Variants in ZNF730 observed in about 807,000 individuals in gnomAD.
ZNF730 encodes the protein putative zinc finger protein 730.
ZNF730 carries 12 observed loss-of-function variants against 12.6 expected under a neutral mutation model. That is an observed-to-expected ratio of 0.95 (90% confidence interval 0.61 to 1.54). The LOEUF (loss-of-function observed/expected upper bound fraction) is 1.54. ZNF730 is among the 40% of genes most tolerant of loss of function. The pLI is 0.00. For synonymous variants in ZNF730, 194 were observed against 195.8 expected, an observed-to-expected ratio of 0.99 and a Z score of 0.08; for missense variants, 643 against 583.5, an observed-to-expected ratio of 1.10 and a Z score of -1.05.
intron 1 of ZNF730, chr19:23,127,037 A>C: frequency 3.9e-6 from 2 of 516,884 alleles, no homozygotes; most frequent in South Asian, 1.5e-5. Flanking sequence ...GAGTTCCTAA[A>C]GCATATAATG....
intron 1 of ZNF730, among the ~76,000 whole-genome samples, chr19:23,081,465 G>A (rs940245254): frequency 1.4e-4 from 21 of 152,090 alleles, no homozygotes; most frequent in African/African-American, 3.1e-4. Context: ...GATTACAGGC[G>A]TGAGCCACCA....
At chr19:23,112,577 T>G (rs1970471999), upstream of ZNF730, among the ~76,000 whole-genome samples, 1 of 151,840 alleles carries the variant, frequency 6.6e-6, no homozygotes, top group South Asian at 2.1e-4. Context: ...CAAAAATTAG[T>G]CAGCGTGGTG....
intron 3 of ZNF730, among the ~76,000 whole-genome samples, chr19:23,139,263 G>A (rs115011474): frequency 0.017 from 2,600 of 151,972 alleles, 59 homozygotes; most frequent in African/African-American, 0.058. Context: ...GCATTGTAAA[G>A]CTATTCTTTG....
intron 3 of ZNF730, among the ~76,000 whole-genome samples, chr19:23,136,585 TAA>T (rs955548579): frequency 1.5e-4 from 23 of 152,170 alleles, no homozygotes; most frequent in African/African-American, 5.1e-4. Context: ...AACTATTTTT[TAA>T]GTTATCTTTT....
intron 2 of ZNF730, among the ~76,000 whole-genome samples, chr19:23,135,238 A>T (rs1472422445): frequency 2.4e-5 from 3 of 123,614 alleles, no homozygotes; most frequent in South Asian, 2.4e-4. Flanking sequence ...AAAAAAAAAA[A>T]AAAAAAAAAA....
Position 23,145,656 on chromosome 19 carries a change from A to C in ZNF730, c.612A>C (p.Glu204Asp). The C allele has an allele frequency of 1.3e-6, 2 of 1,555,186 alleles. No individual in the cohort carries two copies. The highest frequency in any genetic ancestry group is 1.7e-6 in the Non-Finnish European group (2 of 1,151,292). Residue 204 changes from glutamate (E) to aspartate (D), a missense_variant, in exon 4 of 4, where the codon GAA (glutamate) becomes GAC (aspartate). By Grantham distance (45) the Glu-to-Asp change is conservative. Coordinates refer to ENST00000597761, the MANE Select transcript of ZNF730 (RefSeq NM_001277403.2). The stretch of plus-strand genomic sequence containing the variant: ...CTGGAGAGAAATCCTACAAATGTGA[A>C]GAATATGGCAAAGCCTTTAATGAGT... ...IHTGEKSYKC[E>D]EYGKAFNESS...
intron 1 of ZNF730, among the ~76,000 whole-genome samples, chr19:23,102,290 G>A (rs1970344525): frequency 6.6e-6 from 1 of 152,058 alleles, no homozygotes; most frequent in Non-Finnish European, 1.5e-5. Flanking sequence ...GCTTTCAGGA[G>A]AAGGCTGTAA....
At position 23,141,503 on chromosome 19, in the gene ZNF730, G is replaced by A. The variant is rs550447023; in HGVS notation, c.227-3768G>A. ...GATTAATTGAGCCTAAAAGTTTGAC[G>A]TTGCAATGAGCTGTAATTGTGCCAC... On this transcript the variant is annotated intron_variant, in intron 3 of 3. Coordinates refer to ENST00000597761, the MANE Select transcript of ZNF730 (RefSeq NM_001277403.2). Among the ~76,000 whole-genome samples, 27 of 152,264 alleles carry A rather than the reference G, an allele frequency of 1.8e-4. No homozygotes were observed. The South Asian group carries it at 4.1e-3, about 23-fold the overall frequency.
Position 23,145,586 on chromosome 19 carries a change from TA to T in ZNF730, c.543del (p.Leu181PhefsTer8). ...TTCAAATGTAAAGAATGTGGAAAAT[TA>T]TTTTGCATTCTTTCACACTTAGCTC... ...KPFKCKECGK[L>X]FCILSHLAQH... is the part of the protein sequence containing the mutation. On this transcript the variant is annotated frameshift_variant, in exon 4 of 4. Coordinates refer to ENST00000597761, the MANE Select transcript of ZNF730 (RefSeq NM_001277403.2). LOFTEE classifies it low-confidence loss of function (END_TRUNC). 1.9e-6 allele frequency: 3 copies of T among 1,543,082 alleles called. No homozygotes were observed. The highest frequency in any genetic ancestry group is 2.6e-6 in the Non-Finnish European group (3 of 1,145,340).
chr19:23,142,624 C>T (rs1038424186), intron 3 of ZNF730, among the ~76,000 whole-genome samples: 4 of 143,932 alleles, frequency 2.8e-5, no homozygotes, highest in Non-Finnish European at 4.5e-5. Context: ...GGAGGTGGAG[C>T]TTGCAGTGAG....
intron 1 of ZNF730, among the ~76,000 whole-genome samples, chr19:23,091,124 C>G (rs542913627): frequency 7.3e-4 from 111 of 152,236 alleles, no homozygotes; most frequent in African/African-American, 2.6e-3. Context: ...CTGAAAGGGG[C>G]CAATGTACAG....
intron 1 of ZNF730, chr19:23,126,658 C>T: frequency 2.2e-6 from 1 of 445,674 alleles, no homozygotes; most frequent in Non-Finnish European, 4.3e-6. Flanking sequence ...GCCAGTTCCA[C>T]TAGTTTTTTT....
chr19:23,115,497 C>G (rs1970508305), upstream of ZNF730, among the ~76,000 whole-genome samples: 1 of 152,164 alleles, frequency 6.6e-6, no homozygotes, highest in Non-Finnish European at 1.5e-5. Context: ...TTCCTCAGGT[C>G]AGTAGAAACC....
intron 1 of ZNF730, among the ~76,000 whole-genome samples, chr19:23,108,089 T>C (rs1428010877): frequency 6.6e-6 from 1 of 152,208 alleles, no homozygotes; most frequent in African/African-American, 2.4e-5. Context: ...AATAATTTAG[T>C]AATACTGGTT....
intron 3 of ZNF730, among the ~76,000 whole-genome samples, chr19:23,141,650 ATT>A (rs1161572168): frequency 1.3e-5 from 2 of 152,070 alleles, no homozygotes; most frequent in East Asian, 3.9e-4. Flanking sequence ...ATATTTGTGA[ATT>A]TTTTTAGTTT....
chr19:23,133,054 A>G (rs1188943138), intron 1 of ZNF730, among the ~76,000 whole-genome samples: 1 of 152,216 alleles, frequency 6.6e-6, no homozygotes, highest in Non-Finnish European at 1.5e-5. Context: ...TTGATTAATG[A>G]AGCTGACAGA....
intron 1 of ZNF730, among the ~76,000 whole-genome samples, chr19:23,130,588 G>C (rs530019327): frequency 1.3e-5 from 2 of 152,190 alleles, no homozygotes; most frequent in East Asian, 3.9e-4. Context: ...TGAACAGAAG[G>C]GTTGTTATGA....
intron 1 of ZNF730, among the ~76,000 whole-genome samples, chr19:23,097,419 G>A (rs1970271350): frequency 6.6e-6 from 1 of 151,984 alleles, no homozygotes; most frequent in South Asian, 2.1e-4. Context: ...CCGAGCTGAT[G>A]TAACTCTTCT....
At chr19:23,094,512 C>T (rs1970218619) in intron 1 of ZNF730, among the ~76,000 whole-genome samples, 1 of 152,024 alleles carries the variant, frequency 6.6e-6, no homozygotes, top group Non-Finnish European at 1.5e-5. Flanking sequence ...GATGGAATTT[C>T]ACTCTTGTCA....
Sources: allele counts gnomAD v4.1 joint callset (sites outside exome capture counted in the v4.1 genomes callset), GRCh38; gene constraint gnomAD v4.1.1; transcripts MANE v1.5; gene names NCBI Gene and HGNC (gene_info 2026-07-23, HGNC 2026-07-21).